The following CASZ1 variants were observed in gnomAD, a reference collection of about 807,000 sequenced individuals.
The protein encoded by CASZ1 is castor zinc finger 1, also known as zinc finger protein castor homolog 1.
Under a neutral mutation model 135.2 loss-of-function variants are expected in CASZ1, and 28 were observed. The observed-to-expected ratio is 0.21, with a 90% CI of 0.15 to 0.28. The LOEUF is 0.28. Among genes scored for constraint, CASZ1 ranks in the 10% least tolerant of loss-of-function variants. The pLI is 1.00. For missense variants in CASZ1, 2,161 were observed against 2,453.3 expected, an observed-to-expected ratio of 0.88 and a Z score of 2.52; for synonymous variants, 1,068 against 1,073.4, an observed-to-expected ratio of 0.99 and a Z score of 0.10.
chr1:10,639,141 T>G lies in CASZ1; in HGVS notation c.5081A>C (p.Asp1694Ala), dbSNP rs1339933745. Residue 1694 changes from aspartate (D) to alanine (A), a missense_variant, in exon 21 of 21, where the codon GAC (aspartate) becomes GCC (alanine). Physicochemically the swap from Asp to Ala is moderately radical, Grantham distance 126 (BLOSUM62 -2). Transcript: ENST00000377022. The surrounding 1 kb of genome is among the most constrained non-coding windows in gnomAD (Gnocchi z 4.0). ...GTCGTCGTCCTCGTCGTCGTCCTCG[T>G]CCTCGTCGTCTTCGGCCTCCTCCTC... ...LPEEEAEDDEDEDDDEDDDDE... is the reference protein window; with the variant it reads ...LPEEEAEDDEAEDDDEDDDDE... The G allele has an allele frequency of 2.7e-6, 3 of 1,112,946 alleles. No homozygotes were observed. Among genetic ancestry groups the G allele is most frequent in the Non-Finnish European group, 3.3e-6 (3 of 896,582 alleles). 68.9% of individuals were successfully genotyped at this position (1,112,946 alleles called of 1,614,324 possible).
At chr1:10,695,254 G>T (rs1290769593) in intron 3 of CASZ1, among the ~76,000 whole-genome samples, 1 of 151,852 alleles carries the variant, frequency 6.6e-6, no homozygotes, top group African/African-American at 2.4e-5. Flanking sequence ...CAGGAGCGCC[G>T]GCCTGGGACA....
At position 10,711,037 on chromosome 1, in the gene CASZ1, G is replaced by A. The variant is rs917282680; in HGVS notation, c.-76-5493C>T. Among the ~76,000 whole-genome samples the A allele has an allele frequency of 3.9e-5, 6 of 152,190 alleles. No homozygotes were observed. Among genetic ancestry groups the A allele is most frequent in the East Asian group, 1.9e-4 (1 of 5,196 alleles). On this transcript the variant is annotated intron_variant, in intron 2 of 20. Coordinates refer to ENST00000377022, the MANE Select transcript of CASZ1 (RefSeq NM_001079843.3). This position sits in a 1 kb window ranked among gnomAD's most constrained non-coding sequence, Gnocchi z 4.4. ...TCCCAGCTACTCGGGAGGCTGAGGC[G>A]TGAGAATCATTTGAACCCGGGAGGC...
chr1:10,650,754 T>G lies in CASZ1; in HGVS notation c.2818A>C (p.Asn940His). The G allele has an allele frequency of 1.2e-6, 2 of 1,613,958 alleles. No individual in the cohort carries two copies. Among genetic ancestry groups the G allele is most frequent in the Non-Finnish European group, 8.5e-7 (1 of 1,179,890 alleles). The change falls in exon 13 of 21, where the codon AAC becomes CAC. Residue 940 changes from asparagine to histidine, a missense_variant and splice_region_variant. By Grantham distance (68) the Asn-to-His change is moderately conservative. Coordinates refer to ENST00000377022, the MANE Select transcript of CASZ1 (RefSeq NM_001079843.3). The part of the protein sequence containing the change: ...SLDLTVKEPS[N>H]ESNGHAVPAN... ...GGGACTGCGTGGCCATTTGATTCGT[T>G]GCTAGAACACACAAACCAAGGGACT...
At chr1:10,689,284 A>T (rs1638691310) in intron 4 of CASZ1, among the ~76,000 whole-genome samples, 1 of 152,224 alleles carries the variant, frequency 6.6e-6, no homozygotes, top group Non-Finnish European at 1.5e-5. Context: ...CACGGCCTTG[A>T]GCCAGGGCAG....
rs1642834490 is a variant in CASZ1, at chr1:10,657,255, G to A, written c.1410-519C>T. 6.6e-6 allele frequency among the ~76,000 whole-genome samples: 1 copy of A among 152,128 alleles called. No individual in the cohort carries two copies. Among genetic ancestry groups the A allele is most frequent in the African/African-American group, 2.4e-5 (1 of 41,390 alleles). On this transcript the variant is annotated intron_variant, in intron 7 of 20. Transcript: ENST00000377022. This position sits in a 1 kb window ranked among gnomAD's most constrained non-coding sequence, Gnocchi z 5.7. The stretch of plus-strand genomic sequence containing the variant: ...CCTACAGCAACGAGCTCACTCTCCA[G>A]CCGCCGCCGCCACCGCCAGGAACCT...
intron 5 of CASZ1, among the ~76,000 whole-genome samples, chr1:10,663,288 G>T (rs982022912): frequency 6.6e-6 from 1 of 152,206 alleles, no homozygotes; most frequent in African/African-American, 2.4e-5. Context: ...CACCTGGCGG[G>T]ATGTGGAAGG....
At chr1:10,672,080 C>T (rs1304711992) in intron 4 of CASZ1, among the ~76,000 whole-genome samples, 1 of 152,180 alleles carries the variant, frequency 6.6e-6, no homozygotes, top group East Asian at 1.9e-4. Context: ...CCTGCCCAGG[C>T]CACCTCCTTT....
chr1:10,695,676 C>T (rs188804884), intron 3 of CASZ1, among the ~76,000 whole-genome samples: 1 of 151,742 alleles, frequency 6.6e-6, no homozygotes, highest in Admixed American at 6.6e-5. Context: ...GCGCTTTGTG[C>T]TGCCCGTGCT....
At chr1:10,744,204 A>C (rs1025389098) in intron 2 of CASZ1, among the ~76,000 whole-genome samples, 11 of 152,016 alleles carry the variant, frequency 7.2e-5, no homozygotes, top group Non-Finnish European at 1.3e-4. Flanking sequence ...TTTAATCCTG[A>C]AACTTGCCCA....
At chr1:10,686,876 TG>T (rs1274603086) in intron 4 of CASZ1, among the ~76,000 whole-genome samples, 3 of 152,118 alleles carry the variant, frequency 2.0e-5, no homozygotes, top group South Asian at 4.1e-4. Flanking sequence ...CCTAAAAGGA[TG>T]GGGGGCAGAT....
chr1:10,727,680 ACC>A lies in CASZ1; in HGVS notation c.-76-22138_-76-22137del, dbSNP rs1279349169. Among the ~76,000 whole-genome samples the A allele has an allele frequency of 1.3e-5, 2 of 152,146 alleles. No homozygotes were observed. Among genetic ancestry groups the A allele is most frequent in the Non-Finnish European group, 2.9e-5 (2 of 68,014 alleles). On this transcript the variant is annotated intron_variant, in intron 2 of 20. Coordinates refer to ENST00000377022, the MANE Select transcript of CASZ1 (RefSeq NM_001079843.3). This position sits in a 1 kb window ranked among gnomAD's most constrained non-coding sequence, Gnocchi z 5.3. Reference sequence around the variant, plus strand: ...ATGTCCAGGAAGAAAAAGTGTCTGCACCCTAGGGTTCAGGGTGCTAGGAAGCA... The same window carrying A: ...ATGTCCAGGAAGAAAAAGTGTCTGCACTAGGGTTCAGGGTGCTAGGAAGCA...
chr1:10,703,182 G>A (rs1301099419), intron 3 of CASZ1, among the ~76,000 whole-genome samples: 1 of 152,162 alleles, frequency 6.6e-6, no homozygotes, highest in Admixed American at 6.5e-5. Context: ...CAGACCTCTG[G>A]CCGCGGCCGC....
At position 10,741,889 on chromosome 1, in the gene CASZ1, C is replaced by T. The variant is rs1486424761; in HGVS notation, c.-77+18812G>A. Among the ~76,000 whole-genome samples, 2 of 151,890 alleles carry T rather than the reference C, an allele frequency of 1.3e-5. No homozygotes were observed. Among genetic ancestry groups the T allele is most frequent in the African/African-American group, 4.8e-5 (2 of 41,324 alleles). On this transcript the variant is annotated intron_variant, in intron 2 of 20. Transcript: ENST00000377022. This position sits in a 1 kb window ranked among gnomAD's most constrained non-coding sequence, Gnocchi z 5.0. ...GTTTGTGCGTATCTGTGTGTTTTTT[C>T]CCCCAAAGCCAGGAGAGATCTAGAA...
At position 10,695,087 on chromosome 1, in the gene CASZ1, C is replaced by A. The variant is rs1253662363; in HGVS notation, c.-23-1175G>T. Among the ~76,000 whole-genome samples the A allele has an allele frequency of 2.6e-5, 4 of 151,244 alleles. No homozygotes were observed. The East Asian group carries it at 7.9e-4, about 30-fold the overall frequency. Reference sequence around the variant, plus strand: ...TCCCTGCTCCCCTGCCCGCTGCCTGCGGGCTCGGGGCTCCTGGGGTAGCAC... The same window carrying A: ...TCCCTGCTCCCCTGCCCGCTGCCTGAGGGCTCGGGGCTCCTGGGGTAGCAC... On this transcript the variant is annotated intron_variant, in intron 3 of 20. Transcript: ENST00000377022.
At position 10,699,346 on chromosome 1, in the gene CASZ1, C is replaced by T. The variant is rs1381004244; in HGVS notation, c.-23-5434G>A. ...GGGAAGTGCTGGCCACAACCCCAAA[C>T]AGTAGCCCCTCCTCTTCCCCCAACC... is the stretch of plus-strand genomic sequence containing the variant. On this transcript the variant is annotated intron_variant, in intron 3 of 20. Coordinates refer to ENST00000377022, the MANE Select transcript of CASZ1 (RefSeq NM_001079843.3). This position sits in a 1 kb window ranked among gnomAD's most constrained non-coding sequence, Gnocchi z 4.6. Among the ~76,000 whole-genome samples the T allele has an allele frequency of 2.0e-5, 3 of 152,244 alleles. No homozygotes were observed. The highest frequency in any genetic ancestry group is 7.2e-5 in the African/African-American group (3 of 41,468).
intron 1 of CASZ1, among the ~76,000 whole-genome samples, chr1:10,775,462 T>C (rs933940370): frequency 5.3e-5 from 8 of 152,022 alleles, no homozygotes; most frequent in African/African-American, 1.7e-4. Context: ...TGCGGGGGGA[T>C]TGAGAAAGTC....
rs1642852882 is a variant in CASZ1, at chr1:10,657,711, C to G, written c.1409+797G>C. Among the ~76,000 whole-genome samples the G allele has an allele frequency of 6.8e-6, 1 of 147,660 alleles. No individual in the cohort carries two copies. The highest frequency in any genetic ancestry group is 2.5e-5 in the African/African-American group (1 of 40,006). Reference sequence around the variant, plus strand: ...AGAGTGGGACGTGGAGGCGGAGAGACAGAGCGGGCGGGAGGAACCTGGAAG... The same window carrying G: ...AGAGTGGGACGTGGAGGCGGAGAGAGAGAGCGGGCGGGAGGAACCTGGAAG... On this transcript the variant is annotated intron_variant, in intron 7 of 20. Transcript: ENST00000377022. The surrounding 1 kb of genome is among the most constrained non-coding windows in gnomAD (Gnocchi z 5.7).
At chr1:10,669,550 G>A (rs1281936460) in intron 4 of CASZ1, among the ~76,000 whole-genome samples, 3 of 152,226 alleles carry the variant, frequency 2.0e-5, no homozygotes, top group African/African-American at 7.2e-5. Context: ...GGCGGGGGCA[G>A]GCCAGGGCTC....
chr1:10,648,362 T>C (rs1396825988), intron 15 of CASZ1: 2 of 478,690 alleles, frequency 4.2e-6, no homozygotes, highest in Non-Finnish European at 3.6e-6. Context: ...GGCCTAACCA[T>C]GCCTTCCTAC....
Sources: gnomAD v4.1 joint callset for allele counts (sites outside exome capture counted in the v4.1 genomes callset) on GRCh38, gnomAD v4.1.1 for gene constraint, Gnocchi (gnomAD v3.1) non-coding constraint, MANE v1.5 for transcripts, NCBI Gene and HGNC (gene_info 2026-07-23, HGNC 2026-07-21) for gene names.